Variants in RBMS1 observed in about 807,000 individuals in gnomAD.
The protein encoded by RBMS1 is RNA binding motif single stranded interacting protein 1.
A neutral mutation model predicts 62.3 loss-of-function variants in RBMS1; 17 were observed. The ratio of observed to expected loss-of-function variants is 0.27; its 90% CI spans 0.19 to 0.41. The LOEUF (loss-of-function observed/expected upper bound fraction) is 0.41, where lower values mean the gene tolerates loss of function less well. RBMS1 is among the 10% of genes least tolerant of loss of function. The pLI is 1.00. For missense variants in RBMS1, 334 were observed against 504.5 expected (o/e 0.66, Z 3.24); for synonymous variants, 172 against 170.0 (o/e 1.01, Z -0.09).
At chr2:160,469,839 AG>A (rs1379586032) in intron 1 of RBMS1, among the ~76,000 whole-genome samples, 1 of 152,218 alleles carries the variant, frequency 6.6e-6, no homozygotes, top group African/African-American at 2.4e-5. Context: ...GGAGACGAAA[AG>A]TTGACCTCGT....
chr2:160,407,983 C>A, intron 1 of RBMS1: 1 of 929,926 alleles, frequency 1.1e-6, no homozygotes, highest in Non-Finnish European at 1.3e-6. Flanking sequence ...CCTCCCCGCC[C>A]GCCCGCTGGG....
At chr2:160,420,958 T>C (rs1262221494) in intron 1 of RBMS1, among the ~76,000 whole-genome samples, 1 of 152,140 alleles carries the variant, frequency 6.6e-6, no homozygotes, top group East Asian at 1.9e-4. Flanking sequence ...CCCAAGATGG[T>C]ACCACGATGT....
chr2:160,373,227 C>T (rs1693825721), intron 1 of RBMS1, among the ~76,000 whole-genome samples: 1 of 152,106 alleles, frequency 6.6e-6, no homozygotes, highest in Admixed American at 6.5e-5. Context: ...ATATGTTTCA[C>T]AATTAATTCT....
intron 1 of RBMS1, among the ~76,000 whole-genome samples, chr2:160,488,392 G>A (rs1465266767): frequency 2.6e-5 from 4 of 152,072 alleles, no homozygotes; most frequent in Non-Finnish European, 5.9e-5. Context: ...CCTGGCCAAC[G>A]TAGTGAAACC....
intron 1 of RBMS1, among the ~76,000 whole-genome samples, chr2:160,457,947 GGTTT>G (rs1192554329): frequency 9.9e-6 from 1 of 100,802 alleles, no homozygotes; most frequent in African/African-American, 3.4e-5. Flanking sequence ...TGGGGTTATT[GGTTT>G]GTTTGTTGTT....
At chr2:160,425,499 T>C (rs796350634) in intron 1 of RBMS1, among the ~76,000 whole-genome samples, 70 of 152,188 alleles carry the variant, frequency 4.6e-4, no homozygotes, top group African/African-American at 1.6e-3. Context: ...AAGGAGGCCT[T>C]ATATAAGGTA....
chr2:160,287,286 G>T (rs1344643957), intron 6 of RBMS1, among the ~76,000 whole-genome samples: 1 of 152,158 alleles, frequency 6.6e-6, no homozygotes, highest in Non-Finnish European at 1.5e-5. Context: ...TATTATTTCT[G>T]AACATTTAAA....
intron 1 of RBMS1, among the ~76,000 whole-genome samples, chr2:160,374,739 G>A (rs936130196): frequency 2.5e-4 from 38 of 152,128 alleles, no homozygotes; most frequent in African/African-American, 8.7e-4. Context: ...AGACCAGCCT[G>A]ACCAATATGG....
chr2:160,471,703 AT>A lies in RBMS1; in HGVS notation c.75+21585del, dbSNP rs1684923856. 6.1e-5 allele frequency among the ~76,000 whole-genome samples: 6 copies of A among 98,982 alleles called. 1 individual carries two copies. Among genetic ancestry groups the A allele is most frequent in the Non-Finnish European group, 4.4e-5 (2 of 45,534 alleles). 64.9% of individuals were successfully genotyped at this position (98,982 alleles called of 152,430 possible). ...GAAATCCTTTGGTGTATATATATATATATATATATATATAACCTTTCATACA... is the reference window on the plus strand; with the variant it reads ...GAAATCCTTTGGTGTATATATATATAATATATATATATAACCTTTCATACA... On this transcript the variant is annotated intron_variant, in intron 1 of 13. Coordinates refer to ENST00000348849, the MANE Select transcript of RBMS1 (RefSeq NM_016836.4).
intron 9 of RBMS1, chr2:160,283,966 T>C (rs1454533526): frequency 6.6e-6 from 1 of 152,226 alleles, no homozygotes; most frequent in Non-Finnish European, 1.5e-5. Flanking sequence ...TCAATTGTTT[T>C]AAAATCAAGA....
chr2:160,325,831 G>T, intron 2 of RBMS1, among the ~76,000 whole-genome samples: 1 of 152,112 alleles, frequency 6.6e-6, no homozygotes, highest in East Asian at 1.9e-4. Flanking sequence ...TGAGATAGAA[G>T]ATGTAAAAAT....
At chr2:160,402,384 T>G (rs193186213) in intron 1 of RBMS1, among the ~76,000 whole-genome samples, 57 of 152,318 alleles carry the variant, frequency 3.7e-4, no homozygotes, top group Admixed American at 9.8e-4. Flanking sequence ...ATAGTATGTC[T>G]TATTATCATG....
At chr2:160,433,060 G>A (rs1289306479) in intron 1 of RBMS1, among the ~76,000 whole-genome samples, 1 of 151,756 alleles carries the variant, frequency 6.6e-6, no homozygotes, top group Non-Finnish European at 1.5e-5. Context: ...CTAGCTAACT[G>A]GTCACATCTC....
chr2:160,356,420 T>C (rs944166843), intron 2 of RBMS1, among the ~76,000 whole-genome samples: 3 of 143,518 alleles, frequency 2.1e-5, no homozygotes, highest in Admixed American at 6.8e-5. Flanking sequence ...AATTAGTCTA[T>C]TGTAGTTTGT....
chr2:160,467,890 T>G (rs1404572370), intron 1 of RBMS1, among the ~76,000 whole-genome samples: 12 of 151,434 alleles, frequency 7.9e-5, no homozygotes, highest in Non-Finnish European at 1.5e-5. Context: ...TGGGACCAGC[T>G]GAAGAAAAAA....
chr2:160,314,633 C>T (rs1251080880), intron 3 of RBMS1, among the ~76,000 whole-genome samples: 21 of 152,036 alleles, frequency 1.4e-4, no homozygotes, highest in Admixed American at 1.4e-3. Context: ...CTATTGACTA[C>T]AGAAATAGAT....
chr2:160,307,382 A>AAAAAT (rs1247785834), intron 4 of RBMS1, among the ~76,000 whole-genome samples: 3 of 150,120 alleles, frequency 2.0e-5, no homozygotes, highest in African/African-American at 4.9e-5. Flanking sequence ...AAAAAAAAAA[A>AAAAAT]GTGTAAACTT....
intron 1 of RBMS1, among the ~76,000 whole-genome samples, chr2:160,376,847 G>C (rs888632513): frequency 3.9e-5 from 6 of 152,056 alleles, no homozygotes; most frequent in Admixed American, 2.6e-4. Flanking sequence ...TCTTTGTAGA[G>C]ACTGGATCTT....
At chr2:160,411,935 G>C (rs987657774) in intron 1 of RBMS1, among the ~76,000 whole-genome samples, 1 of 152,324 alleles carries the variant, frequency 6.6e-6, no homozygotes, top group African/African-American at 2.4e-5. Flanking sequence ...GTATACTGCA[G>C]ATTTAACTTT....
Sources: allele counts gnomAD v4.1 joint callset (sites outside exome capture counted in the v4.1 genomes callset), GRCh38; gene constraint gnomAD v4.1.1; transcripts MANE v1.5; gene names NCBI Gene and HGNC (gene_info 2026-07-23, HGNC 2026-07-21).